SMAD2: variants seen among roughly 807,000 people sequenced by gnomAD.
The protein encoded by SMAD2 is MAD homolog 2.
In SMAD2, 8 loss-of-function variants were observed where a neutral mutation model predicts 64.4. The ratio of observed to expected loss-of-function variants is 0.12; its 90% confidence interval spans 0.07 to 0.22. The LOEUF is 0.22. Among genes scored for constraint, SMAD2 ranks in the 10% least tolerant of loss-of-function variants. The probability of loss-of-function intolerance (pLI) is 1.00; values close to 1 mark genes in which losing one functional copy is unlikely to be tolerated. For missense variants in SMAD2, 289 were observed against 561.2 expected (o/e 0.51, Z 4.90); for synonymous variants, 203 against 195.8 (o/e 1.04, Z -0.31).
intron 10 of SMAD2, among the ~76,000 whole-genome samples, chr18:47,843,186 C>T (rs534352116): frequency 6.6e-6 from 1 of 152,126 alleles, no homozygotes; most frequent in African/African-American, 2.4e-5. Context: ...GCTAGAGGTG[C>T]CAGGAAAGAA....
chr18:47,867,229 T>C (rs1281595086), intron 5 of SMAD2: 1 of 152,150 alleles, frequency 6.6e-6, no homozygotes, highest in African/African-American at 2.4e-5. Flanking sequence ...TTAAATCCTC[T>C]TCTGGAATAA....
At chr18:47,857,619 TAC>T in intron 6 of SMAD2, among the ~76,000 whole-genome samples, 1 of 152,186 alleles carries the variant, frequency 6.6e-6, no homozygotes, top group Admixed American at 6.5e-5. Flanking sequence ...GGAACTAATT[TAC>T]AGAGAGGGAT....
intron 6 of SMAD2, among the ~76,000 whole-genome samples, chr18:47,860,473 G>A (rs1161865092): frequency 6.6e-6 from 1 of 151,868 alleles, no homozygotes; most frequent in African/African-American, 2.4e-5. Context: ...TGTAGAGACG[G>A]GGTCTTGCTT....
chr18:47,847,948 G>T (rs2144297513), intron 8 of SMAD2, among the ~76,000 whole-genome samples: 1 of 152,212 alleles, frequency 6.6e-6, no homozygotes, highest in South Asian at 2.1e-4. Context: ...ACTACCAGAA[G>T]TCCCCAGACC....
chr18:47,905,018 A>G (rs1423855046), intron 1 of SMAD2, among the ~76,000 whole-genome samples: 2 of 152,218 alleles, frequency 1.3e-5, no homozygotes, highest in African/African-American at 4.8e-5. Flanking sequence ...TGTAGACAGG[A>G]CAACTATGCA....
In SMAD2 at chr18:47,859,709, C is replaced by A. The variant is rs1448735681; in HGVS notation, c.730+5350G>T. 2.6e-5 allele frequency among the ~76,000 whole-genome samples: 4 copies of A among 152,000 alleles called. No homozygotes were observed. The South Asian group carries it at 6.2e-4, about 24-fold the overall frequency. ...AAATCAATGATCTAAATGTACACCA[C>A]AGGAGGCTAGAAAAGACCAGATTAA... is the stretch of plus-strand genomic sequence containing the variant. On this transcript the variant is annotated intron_variant, in intron 6 of 10. Coordinates refer to ENST00000262160, the MANE Select transcript of SMAD2 (RefSeq NM_005901.6).
chr18:47,850,368 A>G (rs1915140744), intron 7 of SMAD2, among the ~76,000 whole-genome samples: 1 of 27,086 alleles, frequency 3.7e-5, no homozygotes, highest in African/African-American at 2.4e-4. Flanking sequence ...TATGTATAAT[A>G]TATATTATAT....
intron 8 of SMAD2, among the ~76,000 whole-genome samples, chr18:47,847,700 C>CAAAAAAAA (rs58794971): frequency 8.9e-6 from 1 of 111,932 alleles, no homozygotes; most frequent in Non-Finnish European, 1.8e-5. Context: ...ATTTCCAAAG[C>CAAAAAAAA]AAAAAAAAAA....
At chr18:47,856,873 T>TTC (rs2030736828) in intron 6 of SMAD2, among the ~76,000 whole-genome samples, 3 of 149,358 alleles carry the variant, frequency 2.0e-5, no homozygotes, top group Admixed American at 6.6e-5. Context: ...TTTTTTTTTT[T>TTC]TTGAGACGGA....
intron 1 of SMAD2, among the ~76,000 whole-genome samples, chr18:47,925,949 C>A (rs976085406): frequency 1.6e-4 from 24 of 152,214 alleles, no homozygotes; most frequent in African/African-American, 5.3e-4. Flanking sequence ...CTAGAAATCT[C>A]GAGCATACTC....
chr18:47,885,182 CAT>C (rs1368241636), intron 2 of SMAD2, among the ~76,000 whole-genome samples: 186 of 140,092 alleles, frequency 1.3e-3, no homozygotes, highest in African/African-American at 2.3e-3. Flanking sequence ...CACACACACA[CAT>C]ATACCCTCCC....
intron 2 of SMAD2, among the ~76,000 whole-genome samples, chr18:47,872,797 C>CCA (rs1189552668): frequency 6.6e-6 from 1 of 152,164 alleles, no homozygotes; most frequent in Non-Finnish European, 1.5e-5. Context: ...TGCCGCACCA[C>CCA]CACGGTCAGT....
At chr18:47,845,915 T>C (rs1022514501) in intron 8 of SMAD2, 115 bp from the exon 9 acceptor site, 3 of 882,762 alleles carry the variant, frequency 3.4e-6, no homozygotes, top group East Asian at 2.5e-5. Context: ...AGGATCTTTT[T>C]CACAGATAAT....
At chr18:47,886,116 A>G (rs111978690) in intron 2 of SMAD2, among the ~76,000 whole-genome samples, 85 of 152,382 alleles carry the variant, frequency 5.6e-4, no homozygotes, top group Non-Finnish European at 9.6e-4. Flanking sequence ...CAACCATAAA[A>G]CAATGATTAC....
At chr18:47,846,978 G>T (rs997063297) in intron 8 of SMAD2, among the ~76,000 whole-genome samples, 1 of 151,984 alleles carries the variant, frequency 6.6e-6, no homozygotes, top group African/African-American at 2.4e-5. Context: ...TCATGCACGT[G>T]GTCATTGGGA....
rs1249503919 is a variant in SMAD2, at chr18:47,821,746, T to C, written c.*20081A>G. Reference sequence around the variant, plus strand: ...AAATTTTATGTTCTATCAAGATAAATTCTTGTGTTTAAGTTTTTTTTTTGC... The same window carrying C: ...AAATTTTATGTTCTATCAAGATAAACTCTTGTGTTTAAGTTTTTTTTTTGC... On this transcript the variant is annotated 3_prime_UTR_variant, in exon 11 of 11. Transcript: ENST00000262160. The C allele has an allele frequency of 6.6e-6, 1 of 152,216 alleles. No individual in the cohort carries two copies. Among genetic ancestry groups the C allele is most frequent in the Non-Finnish European group, 1.5e-5 (1 of 68,022 alleles). 9.4% of individuals were successfully genotyped at this position (152,216 alleles called of 1,614,324 possible). A position where few individuals can be genotyped will look rare whatever the true frequency, so the allele number is the denominator to read the frequency against.
At chr18:47,904,558 C>G (rs1258089393) in intron 1 of SMAD2, among the ~76,000 whole-genome samples, 1 of 152,108 alleles carries the variant, frequency 6.6e-6, no homozygotes, top group East Asian at 1.9e-4. Context: ...AAAGGGACAA[C>G]AAGCCGGCTT....
intron 2 of SMAD2, among the ~76,000 whole-genome samples, chr18:47,890,919 G>C (rs1485497034): frequency 5.9e-5 from 9 of 152,162 alleles, no homozygotes; most frequent in African/African-American, 2.2e-4. Context: ...TGAACATGAG[G>C]TTAGAAATAA....
chr18:47,825,300 G>C lies in SMAD2; in HGVS notation c.*16527C>G, dbSNP rs1391680435. On this transcript the variant is annotated 3_prime_UTR_variant, in exon 11 of 11. Coordinates refer to ENST00000262160, the MANE Select transcript of SMAD2 (RefSeq NM_005901.6). ...GAGATTTTATCTTCATTGTGGTGGT[G>C]TTGAGAGCTGGGGCCTAGTGGGAGA... The C allele has an allele frequency of 1.3e-5, 2 of 152,266 alleles. No homozygotes were observed. The highest frequency in any genetic ancestry group is 2.9e-5 in the Non-Finnish European group (2 of 68,074). 9.4% of individuals were successfully genotyped at this position (152,266 alleles called of 1,614,324 possible). A position where few individuals can be genotyped will look rare whatever the true frequency, so the allele number is the denominator to read the frequency against.
Sources: gnomAD v4.1 joint callset for allele counts (sites outside exome capture counted in the v4.1 genomes callset) on GRCh38, gnomAD v4.1.1 for gene constraint, MANE v1.5 for transcripts, NCBI Gene and HGNC (gene_info 2026-07-23, HGNC 2026-07-21) for gene names.